The following LCLAT1 variants were observed in gnomAD, a reference collection of about 807,000 sequenced individuals.
LCLAT1 encodes the protein lysocardiolipin acyltransferase 1.
Under a neutral mutation model 30.7 loss-of-function variants are expected in LCLAT1, and 11 were observed. The ratio of observed to expected loss-of-function variants is 0.36; its 90% CI spans 0.23 to 0.59. LCLAT1 has a LOEUF of 0.59. LCLAT1 is among the 20% of genes least tolerant of loss of function. The pLI is 0.77. For missense variants in LCLAT1, 402 were observed against 458.6 expected (o/e 0.88, Z 1.13); for synonymous variants, 155 against 151.3 (o/e 1.02, Z -0.18).
At chr2:30,560,589 G>A (rs1170870991) in intron 3 of LCLAT1, among the ~76,000 whole-genome samples, 3 of 151,678 alleles carry the variant, frequency 2.0e-5, no homozygotes, top group African/African-American at 4.8e-5. Context: ...CCATAGCCTC[G>A]GCCTCCCAAA....
At chr2:30,586,254 A>AC (rs1558537104) in intron 5 of LCLAT1, among the ~76,000 whole-genome samples, 1 of 151,722 alleles carries the variant, frequency 6.6e-6, no homozygotes, top group South Asian at 2.1e-4. Context: ...AAAAAAAAAA[A>AC]AAAAAAAACC....
rs760622200 is a variant in LCLAT1 at position 30,461,770 on chromosome 2, C to CCTTTTTTTT, written c.-5+14387_-5+14388insCTTTTTTTT. Among the ~76,000 whole-genome samples, 801 of 131,432 alleles carry CCTTTTTTTT rather than the reference C, an allele frequency of 6.1e-3. 38 individuals are homozygous for CCTTTTTTTT. The highest frequency in any genetic ancestry group is 0.017 in the East Asian group (73 of 4,314). 86.2% of individuals were successfully genotyped at this position (131,432 alleles called of 152,430 possible). A position where few individuals can be genotyped will look rare whatever the true frequency, so the allele number is the denominator to read the frequency against. On this transcript the variant is annotated intron_variant, in intron 1 of 5. Coordinates refer to ENST00000379509, the MANE Select transcript of LCLAT1 (RefSeq NM_001002257.3). ...TGTGGACCACTTTTTCTAAATTAAA[C>CCTTTTTTTT]TTTTTTTTTTTTTTTTTTGAGACGG...
chr2:30,499,374 G>A (rs559025026), intron 1 of LCLAT1, among the ~76,000 whole-genome samples: 3 of 152,256 alleles, frequency 2.0e-5, no homozygotes, highest in South Asian at 4.1e-4. Context: ...TAGAGACAGG[G>A]TTTCGCCATG....
At chr2:30,545,597 TAACTA>T (rs976619778) in intron 3 of LCLAT1, among the ~76,000 whole-genome samples, 2 of 152,166 alleles carry the variant, frequency 1.3e-5, no homozygotes, top group East Asian at 1.9e-4. Flanking sequence ...TTTGTTAAAT[TAACTA>T]AACTGTTTAG....
chr2:30,608,054 C>G (rs1389546556), intron 5 of LCLAT1, among the ~76,000 whole-genome samples: 1 of 151,990 alleles, frequency 6.6e-6, no homozygotes, highest in Non-Finnish European at 1.5e-5. Flanking sequence ...TAGAAGTTTA[C>G]TCACACCTGT....
At chr2:30,631,414 T>G (rs1668765912) in intron 5 of LCLAT1, among the ~76,000 whole-genome samples, 1 of 152,176 alleles carries the variant, frequency 6.6e-6, no homozygotes. Flanking sequence ...AAGGCTATGT[T>G]TCTGTGCTAT....
intron 1 of LCLAT1, among the ~76,000 whole-genome samples, chr2:30,482,682 G>A (rs1683377987): frequency 6.6e-6 from 1 of 151,806 alleles, no homozygotes; most frequent in African/African-American, 2.4e-5. Context: ...GCCAATTTAG[G>A]CCCAGTGCTT....
At chr2:30,597,375 A>G (rs1666969181) in intron 5 of LCLAT1, among the ~76,000 whole-genome samples, 1 of 152,076 alleles carries the variant, frequency 6.6e-6, no homozygotes, top group Non-Finnish European at 1.5e-5. Context: ...CGCTAGCTGT[A>G]TTCCTAGGTA....
chr2:30,637,582 G>C (rs1252293549), intron 5 of LCLAT1, among the ~76,000 whole-genome samples: 1 of 152,024 alleles, frequency 6.6e-6, no homozygotes, highest in Non-Finnish European at 1.5e-5. Flanking sequence ...TACTGGCCCA[G>C]TTCTTTTTTA....
intron 1 of LCLAT1, among the ~76,000 whole-genome samples, chr2:30,521,341 T>C (rs1290630981): frequency 1.3e-5 from 2 of 152,092 alleles, no homozygotes; most frequent in African/African-American, 2.4e-5. Flanking sequence ...CTTAATAAAC[T>C]TGGTTTCAGG....
intron 5 of LCLAT1, among the ~76,000 whole-genome samples, chr2:30,628,277 A>G (rs1428815992): frequency 4.6e-5 from 7 of 152,264 alleles, no homozygotes; most frequent in African/African-American, 1.7e-4. Flanking sequence ...ATAAGATTTG[A>G]GCAAAAGGAA....
At position 30,642,739 on chromosome 2, in the gene LCLAT1, G is replaced by A. The variant is rs1416422458; in HGVS notation, c.*2120G>A. 1 of 148,718 alleles carries A rather than the reference G, an allele frequency of 6.7e-6. No individual in the cohort carries two copies. 9.2% of individuals were successfully genotyped at this position (148,718 alleles called of 1,614,324 possible). A position where few individuals can be genotyped will look rare whatever the true frequency, so the allele number is the denominator to read the frequency against. On this transcript the variant is annotated 3_prime_UTR_variant, in exon 6 of 6. Coordinates refer to ENST00000379509, the MANE Select transcript of LCLAT1 (RefSeq NM_001002257.3). ...TGTTCCTTTTCATCATAGAAAACAT[G>A]TTTAAGATAAAATACAAACTTTACC...
chr2:30,620,210 CA>C (rs1222124263), intron 5 of LCLAT1, among the ~76,000 whole-genome samples: 2 of 152,142 alleles, frequency 1.3e-5, no homozygotes, highest in Non-Finnish European at 2.9e-5. Flanking sequence ...GAACTATCCC[CA>C]TAACCCAGTA....
At chr2:30,536,014 T>G (rs1454857198) in intron 3 of LCLAT1, among the ~76,000 whole-genome samples, 1 of 149,016 alleles carries the variant, frequency 6.7e-6, no homozygotes. Flanking sequence ...GTAAATGAAA[T>G]AAAAATAAAA....
chr2:30,530,688 G>T (rs1449229864), intron 2 of LCLAT1, among the ~76,000 whole-genome samples: 1 of 152,026 alleles, frequency 6.6e-6, no homozygotes, highest in African/African-American at 2.4e-5. Context: ...TAAGGCTCTG[G>T]GCATGTTCCA....
chr2:30,612,093 A>G (rs1667766448), intron 5 of LCLAT1, among the ~76,000 whole-genome samples: 1 of 152,186 alleles, frequency 6.6e-6, no homozygotes, highest in South Asian at 2.1e-4. Flanking sequence ...TTAAAGACAC[A>G]GTCTTGAGAG....
rs141965319 is a variant in LCLAT1 at position 30,581,906 on chromosome 2, T to TC, written c.628+13731dup. ...TGTAAATAGCCAAAAGAGCAGCTTTTCAGTGTTCTCAACACAGGAAGTAAG... is the reference window on the plus strand; with the variant it reads ...TGTAAATAGCCAAAAGAGCAGCTTTTCCAGTGTTCTCAACACAGGAAGTAAG... On this transcript the variant is annotated intron_variant, in intron 5 of 5. Coordinates refer to ENST00000379509, the MANE Select transcript of LCLAT1 (RefSeq NM_001002257.3). Among the ~76,000 whole-genome samples, 1,166 of 152,304 alleles carry TC rather than the reference T, an allele frequency of 7.7e-3. 10 individuals carry two copies. Among genetic ancestry groups the TC allele is most frequent in the African/African-American group, 0.027 (1,120 of 41,564 alleles).
chr2:30,568,683 A>G (rs940621293), intron 5 of LCLAT1, among the ~76,000 whole-genome samples: 2 of 149,496 alleles, frequency 1.3e-5, no homozygotes, highest in Admixed American at 6.7e-5. Flanking sequence ...AATTTTTTGT[A>G]TTTTCAGTAG....
At chr2:30,610,764 CA>C (rs1334536076) in intron 5 of LCLAT1, among the ~76,000 whole-genome samples, 1 of 152,100 alleles carries the variant, frequency 6.6e-6, no homozygotes, top group Non-Finnish European at 1.5e-5. Context: ...TGGTCCAACA[CA>C]TTTAATGTCT....
Sources: allele counts gnomAD v4.1 joint callset (sites outside exome capture counted in the v4.1 genomes callset), GRCh38; gene constraint gnomAD v4.1.1; transcripts MANE v1.5; gene names NCBI Gene and HGNC (gene_info 2026-07-23, HGNC 2026-07-21).